KLHL12: variants seen among roughly 807,000 people sequenced by gnomAD.
KLHL12 encodes kelch like family member 12.
In KLHL12, 17 loss-of-function variants were observed where a neutral mutation model predicts 60.8. The observed-to-expected ratio is 0.28, with a 90% CI of 0.19 to 0.42. The LOEUF is 0.42. Among genes scored for constraint, KLHL12 ranks in the 10% least tolerant of loss-of-function variants. KLHL12 has a pLI of 1.00. For synonymous variants in KLHL12, 220 were observed against 250.9 expected, an observed-to-expected ratio of 0.88 and a Z score of 1.16; for missense variants, 468 against 722.3, an observed-to-expected ratio of 0.65 and a Z score of 4.04.
chr1:202,928,389 G>T, upstream of KLHL12: 1 of 664,750 alleles, frequency 1.5e-6, no homozygotes, highest in South Asian at 1.5e-5. Flanking sequence ...GGCTGAGCCT[G>T]AGTTCCTCCC....
chr1:202,896,271 C>T (rs1415978726), intron 7 of KLHL12, among the ~76,000 whole-genome samples: 1 of 152,110 alleles, frequency 6.6e-6, no homozygotes, highest in African/African-American at 2.4e-5. Flanking sequence ...ACTGCAACCT[C>T]GAACTCCTGG....
At chr1:202,906,548 T>C (rs1348636523) in intron 6 of KLHL12, among the ~76,000 whole-genome samples, 1 of 151,906 alleles carries the variant, frequency 6.6e-6, no homozygotes, top group African/African-American at 2.4e-5. Flanking sequence ...TTCAGTCTTG[T>C]TAAGACAAAA....
upstream of KLHL12, chr1:202,928,418 G>A (rs1480652542): frequency 2.0e-6 from 2 of 998,648 alleles, no homozygotes; most frequent in Admixed American, 2.3e-5. Context: ...ACTAGGCAGG[G>A]CAGGCAGAGA....
chr1:202,904,158 C>A (rs940694383), intron 6 of KLHL12, among the ~76,000 whole-genome samples: 1 of 152,100 alleles, frequency 6.6e-6, no homozygotes, highest in African/African-American at 2.4e-5. Flanking sequence ...GCATGTGCCA[C>A]CAAGCCCGGC....
chr1:202,910,351 G>A (rs1196223006), intron 5 of KLHL12, among the ~76,000 whole-genome samples: 1 of 152,190 alleles, frequency 6.6e-6, no homozygotes, highest in African/African-American at 2.4e-5. Flanking sequence ...TTGTAAGAAA[G>A]ACAGAAATCA....
At chr1:202,902,425 G>A (rs1394751968) in intron 6 of KLHL12, among the ~76,000 whole-genome samples, 3 of 149,976 alleles carry the variant, frequency 2.0e-5, no homozygotes, top group Non-Finnish European at 4.4e-5. Flanking sequence ...GCGAGACTCC[G>A]TCCAAAAAAA....
In KLHL12 at chr1:202,893,351, C is replaced by T. The variant is rs770278043; in HGVS notation, c.1468G>A (p.Val490Ile). The T allele has an allele frequency of 1.3e-5, 21 of 1,613,790 alleles. No individual in the cohort carries two copies. The highest frequency in any genetic ancestry group is 1.7e-5 in the Non-Finnish European group (20 of 1,179,910). The change falls in exon 11 of 12, where the codon GTT becomes ATT. Residue 490 changes from valine to isoleucine, a missense_variant. This residue lies in a region of KLHL12 where 68 missense variants were observed against 119.8 expected (regional missense o/e 0.57). Transcript: ENST00000367261. The surrounding 1 kb of genome is among the most constrained non-coding windows in gnomAD (Gnocchi z 4.1). Reference sequence around the variant, plus strand: ...TCAGTGCGAATGTTGTATGCTTCAACGGAAGAAAGGTGGGCTGTACCATCA... The same window carrying T: ...TCAGTGCGAATGTTGTATGCTTCAATGGAAGAAAGGTGGGCTGTACCATCA... ...GFDGTAHLSS[V>I]EAYNIRTDSW...
intron 9 of KLHL12, 126 bp from the exon 10 acceptor site, chr1:202,894,408 A>G: frequency 1.1e-6 from 1 of 886,856 alleles, no homozygotes; most frequent in Non-Finnish European, 1.8e-6. Context: ...CAATAACTCT[A>G]AGAGAAATCT....
At chr1:202,926,756 G>A (rs922612135) in intron 1 of KLHL12, among the ~76,000 whole-genome samples, 1 of 152,178 alleles carries the variant, frequency 6.6e-6, no homozygotes, top group Non-Finnish European at 1.5e-5. Context: ...CATCTGAATG[G>A]AGGGATTCCA....
chr1:202,897,228 CTTTTTTTTT>C (rs11305071), intron 6 of KLHL12, among the ~76,000 whole-genome samples: 1 of 82,262 alleles, frequency 1.2e-5, no homozygotes, highest in Admixed American at 1.6e-4. Flanking sequence ...ATTTCTTTTT[CTTTTTTTTT>C]TTTTTTTTTT....
chr1:202,897,224 TTTTC>T (rs1659863811), intron 6 of KLHL12, among the ~76,000 whole-genome samples: 4 of 144,750 alleles, frequency 2.8e-5, no homozygotes, highest in Non-Finnish European at 4.5e-5. Flanking sequence ...CACCATTTCT[TTTTC>T]TTTTTTTTTT....
chr1:202,916,236 T>G (rs1387523433), intron 4 of KLHL12, among the ~76,000 whole-genome samples: 1 of 152,246 alleles, frequency 6.6e-6, no homozygotes, highest in Non-Finnish European at 1.5e-5. Flanking sequence ...GAGCCCAGTA[T>G]GTCAGGCTGG....
At chr1:202,922,144 T>A (rs1553239767) in intron 2 of KLHL12, among the ~76,000 whole-genome samples, 1 of 152,240 alleles carries the variant, frequency 6.6e-6, no homozygotes, top group Non-Finnish European at 1.5e-5. Flanking sequence ...TGTAAGAACT[T>A]AGAGCAATTA....
rs1660303822 is a variant in KLHL12, at chr1:202,909,850, T to C, written c.718-726A>G. ...TCCCTTCAGGCTTAGGGGTTGTTAA[T>C]AGCTTATGTCCTAGATCCAGGTTAT... is the stretch of plus-strand genomic sequence containing the variant. On this transcript the variant is annotated intron_variant, in intron 5 of 11. Coordinates refer to ENST00000367261, the MANE Select transcript of KLHL12 (RefSeq NM_021633.4). The surrounding 1 kb of genome is among the most constrained non-coding windows in gnomAD (Gnocchi z 4.1). Among the ~76,000 whole-genome samples, 1 of 152,246 alleles carries C rather than the reference T, an allele frequency of 6.6e-6. No individual in the cohort carries two copies. Among genetic ancestry groups the C allele is most frequent in the South Asian group, 2.1e-4 (1 of 4,826 alleles).
intron 5 of KLHL12, among the ~76,000 whole-genome samples, chr1:202,910,530 G>A (rs1372764827): frequency 6.6e-6 from 1 of 152,186 alleles, no homozygotes; most frequent in Non-Finnish European, 1.5e-5. Context: ...CTCCCTCGAA[G>A]TATGGTCCAG....
Position 202,927,124 on chromosome 1 carries a change from G to A in KLHL12, c.-81C>T. The stretch of plus-strand genomic sequence containing the variant: ...GAACCCACACAGCCGCACCGGGCCC[G>A]TCCCCAGCCTGTGGGGATGGAGTGC... On this transcript the variant is annotated 5_prime_UTR_variant, in exon 1 of 12. It adds an upstream start codon to the 5' untranslated region. Coordinates refer to ENST00000367261, the MANE Select transcript of KLHL12 (RefSeq NM_021633.4). The A allele has an allele frequency of 1.0e-5, 10 of 985,482 alleles. No homozygotes were observed. The highest frequency in any genetic ancestry group is 1.2e-5 in the Non-Finnish European group (10 of 830,014). The allele number at this position is 985,482 out of a possible 1,614,324, so 61.0% of individuals were successfully genotyped here.
rs34231569 is a variant in KLHL12 at position 202,892,083 on chromosome 1, G to GAAA, written c.*447_*449dup. 1.3e-3 allele frequency: 190 copies of GAAA among 142,982 alleles called. No homozygotes were observed. Among genetic ancestry groups the GAAA allele is most frequent in the South Asian group, 1.8e-3 (8 of 4,456 alleles). 8.9% of individuals were successfully genotyped at this position (142,982 alleles called of 1,614,324 possible). A position where few individuals can be genotyped will look rare whatever the true frequency, so the allele number is the denominator to read the frequency against. ...ATATGAGAAAATGTAGTTGTTCCTG[G>GAAA]AAAAAAAAAAAAAGACTTGGATTTT... On this transcript the variant is annotated 3_prime_UTR_variant, in exon 12 of 12. Coordinates refer to ENST00000367261, the MANE Select transcript of KLHL12 (RefSeq NM_021633.4).
At chr1:202,912,287 T>C (rs1571532877) in intron 4 of KLHL12, 1 of 880,742 alleles carries the variant, frequency 1.1e-6, no homozygotes, top group Non-Finnish European at 1.9e-6. Flanking sequence ...ACCATGACTC[T>C]GTGAATAAGA....
At chr1:202,915,439 A>T (rs532057953) in intron 4 of KLHL12, among the ~76,000 whole-genome samples, 12 of 152,308 alleles carry the variant, frequency 7.9e-5, no homozygotes, top group African/African-American at 2.9e-4. Flanking sequence ...CTTTCTTTCC[A>T]GAAAAAAAGC....
Sources: allele counts gnomAD v4.1 joint callset (sites outside exome capture counted in the v4.1 genomes callset), GRCh38; gene constraint gnomAD v4.1.1; regional missense constraint gnomAD v4.1.1; non-coding constraint Gnocchi (gnomAD v3.1); transcripts MANE v1.5; gene names NCBI Gene and HGNC (gene_info 2026-07-23, HGNC 2026-07-21).